UNC45A: variants seen among roughly 807,000 people sequenced by gnomAD.
The protein encoded by UNC45A is unc-45 myosin chaperone A.
In UNC45A, 78 loss-of-function variants were observed where a neutral mutation model predicts 103.2. That is an observed-to-expected ratio of 0.76 (90% CI 0.63 to 0.91). The LOEUF is 0.91. Ranked by LOEUF, UNC45A falls within the 40% of genes least tolerant of loss-of-function variation. The pLI, the probability that UNC45A is intolerant of heterozygous loss-of-function variation, is 0.00. For missense variants in UNC45A, 1,193 were observed against 1,224.8 expected, an observed-to-expected ratio of 0.97 and a Z score of 0.39; for synonymous variants, 495 against 504.6, an observed-to-expected ratio of 0.98 and a Z score of 0.25.
rs1567155604 is a variant in UNC45A at position 90,945,015 on chromosome 15, G to A, written c.1151G>A (p.Cys384Tyr). 6 of 1,613,128 alleles carry A rather than the reference G, an allele frequency of 3.7e-6. No individual in the cohort carries two copies. Among genetic ancestry groups the A allele is most frequent in the Non-Finnish European group, 5.1e-6 (6 of 1,180,032 alleles). Residue 384 changes from cysteine (C) to tyrosine (Y), a missense_variant, in exon 9 of 20, where the codon TGT (cysteine) becomes TAT (tyrosine). Physicochemically the swap from Cys to Tyr is radical, Grantham distance 194. Transcript: ENST00000418476. ...LLSKLFDDLK[C>Y]DAERENFHRL... ...AGCAAGCTCTTTGATGACCTCAAGT[G>A]TGATGCGGAGAGGGAGAATTTCCAC...
At chr15:90,949,259 T>C in intron 13 of UNC45A, 57 bp from the exon 14 acceptor site, 1 of 1,568,254 alleles carries the variant, frequency 6.4e-7, no homozygotes. Flanking sequence ...GTGAGAAGGG[T>C]CCCCCTTTCT....
rs758770632 is a variant in UNC45A at position 90,942,455 on chromosome 15, A to T, written c.706A>T (p.Ile236Leu). The change falls in exon 7 of 20, where the codon ATA becomes TTA. Residue 236 changes from isoleucine (I) to leucine (L), a missense_variant. Ile to Leu is a conservative substitution (Grantham distance 5). Transcript: ENST00000418476. ...HQSRTVATLS[I>L]LGTRRVVSIL... Reference sequence around the variant, plus strand: ...ACCCCAGACAGTGGCAACCCTGAGCATACTGGGAACTCGGCGAGTAGTCTC... The same window carrying T: ...ACCCCAGACAGTGGCAACCCTGAGCTTACTGGGAACTCGGCGAGTAGTCTC... 8 of 1,613,182 alleles carry T rather than the reference A, an allele frequency of 5.0e-6. No homozygotes were observed. The East Asian group carries it at 1.6e-4, about 31-fold the overall frequency.
upstream of UNC45A, chr15:90,935,063 G>T (rs2035931142): frequency 1.7e-6 from 1 of 575,054 alleles, no homozygotes; most frequent in Non-Finnish European, 3.1e-6. Flanking sequence ...AGCCACCGCA[G>T]GCCTCCCTCT....
At chr15:90,939,496 C>T (rs992918493) in intron 4 of UNC45A, among the ~76,000 whole-genome samples, 2 of 152,188 alleles carry the variant, frequency 1.3e-5, no homozygotes, top group East Asian at 1.9e-4. Flanking sequence ...ACTCCAGCAT[C>T]GGCGCAGCCC....
At chr15:90,940,193 A>G (rs937929988) in intron 5 of UNC45A, 113 bp from the exon 6 acceptor site, 1 of 1,223,240 alleles carries the variant, frequency 8.2e-7, no homozygotes, top group South Asian at 1.5e-5. Flanking sequence ...GGCCGTGGTC[A>G]CTCAACTGTG....
At chr15:90,947,958 G>T (rs2036661707) in intron 11 of UNC45A, 68 bp downstream of exon 11, 2 of 1,475,462 alleles carry the variant, frequency 1.4e-6, no homozygotes, top group Non-Finnish European at 9.1e-7. Context: ...GGGTCTGGGT[G>T]GGGGTTGGGG....
intron 9 of UNC45A, among the ~76,000 whole-genome samples, chr15:90,945,693 A>G (rs1461377685): frequency 7.0e-6 from 1 of 143,320 alleles, no homozygotes; most frequent in Non-Finnish European, 1.5e-5. Flanking sequence ...GTACAATGGT[A>G]TGATCTTGGC....
Position 90,942,923 on chromosome 15 carries a change from G to GA in UNC45A, c.869dup (p.Leu291AlafsTer7). 6.2e-7 allele frequency: 1 copy of GA among 1,607,278 alleles called. No homozygotes were observed. The highest frequency in any genetic ancestry group is 1.1e-5 in the South Asian group (1 of 90,650). On this transcript the variant is annotated frameshift_variant, in exon 8 of 20. Coordinates refer to ENST00000418476, the MANE Select transcript of UNC45A (RefSeq NM_018671.5). LOFTEE classifies it high-confidence loss of function. ...CTTGTTGTTGCCAGATCCTGCCCGG[G>GA]AGCTGAAGGTCCTCATCAGTAACCT...
At position 90,953,160 on chromosome 15, in the gene UNC45A, G is replaced by A. The variant is rs1449251777; in HGVS notation, c.2427G>A (p.Gln809=). The change falls in exon 19 of 20, where the codon CAG becomes CAA. Residue 809 remains glutamine (Q), a synonymous_variant. Transcript: ENST00000418476. ...MCNLAMSKEV[Q]DLFEAQGNDR... is the part of the protein sequence containing the mutation. ...CTCCTCACATCTGGCCACAGGTGCA[G>A]GACCTCTTCGAAGCCCAGGGCAATG... is the stretch of plus-strand genomic sequence containing the variant. The A allele has an allele frequency of 6.2e-7, 1 of 1,613,430 alleles. No homozygotes were observed. The highest frequency in any genetic ancestry group is 1.3e-5 in the African/African-American group (1 of 74,938).
At chr15:90,934,944 G>T, upstream of UNC45A, 1 of 441,096 alleles carries the variant, frequency 2.3e-6, no homozygotes, top group Non-Finnish European at 4.0e-6. Context: ...TCTCCCGCAG[G>T]GGCCCAGGCC....
chr15:90,936,132 T>G (rs1389664362), intron 3 of UNC45A, 150 bp downstream of exon 3: 6 of 1,503,742 alleles, frequency 4.0e-6, no homozygotes, highest in Non-Finnish European at 5.3e-6. Context: ...TTTCCTTTTC[T>G]GCAGCTACCC....
upstream of UNC45A, chr15:90,934,914 C>T (rs1221882594): frequency 5.2e-5 from 23 of 441,496 alleles, no homozygotes; most frequent in Non-Finnish European, 4.4e-5. Flanking sequence ...CGGTCGGGGC[C>T]GGGATCCAGA....
chr15:90,951,003 T>C (rs1233065601), intron 17 of UNC45A, among the ~76,000 whole-genome samples: 1 of 142,804 alleles, frequency 7.0e-6, no homozygotes, highest in Admixed American at 6.9e-5. Context: ...CATATCAGTA[T>C]ATTTTAGTTT....
At chr15:90,942,720 T>A in intron 7 of UNC45A, 115 bp downstream of exon 7, 1 of 1,556,358 alleles carries the variant, frequency 6.4e-7, no homozygotes, top group East Asian at 2.3e-5. Context: ...TTGTTTGGAA[T>A]ACGGTTTGGT....
chr15:90,951,869 C>G (rs2036933801), intron 17 of UNC45A, among the ~76,000 whole-genome samples: 1 of 152,164 alleles, frequency 6.6e-6, no homozygotes, highest in Non-Finnish European at 1.5e-5. Flanking sequence ...CAGCAGTGAG[C>G]TGTGATCATG....
At chr15:90,931,739 T>C (rs2035800369), upstream of UNC45A, 1 of 1,614,144 alleles carries the variant, frequency 6.2e-7, no homozygotes, top group Admixed American at 1.7e-5. Flanking sequence ...CCTCAGATTG[T>C]ACAGCTTGTC....
Position 90,935,607 on chromosome 15 carries a change from G to A in UNC45A, c.115G>A (p.Gly39Ser). 6.2e-7 allele frequency: 1 copy of A among 1,613,378 alleles called. No individual in the cohort carries two copies. Among genetic ancestry groups the A allele is most frequent in the Non-Finnish European group, 8.5e-7 (1 of 1,179,758 alleles). ...GCTGTTCAAATGTGGAGACTACGGG[G>A]GCGCCCTGGCGGCCTACACTCAGGC... Reference protein sequence around the residue: ...NELFKCGDYGGALAAYTQALG... With the variant: ...NELFKCGDYGSALAAYTQALG... The change falls in exon 2 of 20, where the codon GGC becomes AGC. Residue 39 changes from glycine (G) to serine (S), a missense_variant. Gly to Ser is a moderately conservative substitution (Grantham distance 56, BLOSUM62 0). Transcript: ENST00000418476.
intron 10 of UNC45A, 73 bp downstream of exon 10, chr15:90,946,987 G>A: frequency 2.0e-6 from 3 of 1,526,170 alleles, no homozygotes; most frequent in East Asian, 2.3e-5. Context: ...GTTGCAGGGT[G>A]TGGCCCCAGC....
At chr15:90,948,541 T>C in intron 12 of UNC45A, 113 bp from the exon 13 acceptor site, 1 of 1,500,310 alleles carries the variant, frequency 6.7e-7, no homozygotes, top group Non-Finnish European at 9.0e-7. Flanking sequence ...GAATTCATCC[T>C]GTACCCAAGG....
Sources: allele counts gnomAD v4.1 joint callset (sites outside exome capture counted in the v4.1 genomes callset), GRCh38; gene constraint gnomAD v4.1.1; transcripts MANE v1.5; gene names NCBI Gene and HGNC (gene_info 2026-07-23, HGNC 2026-07-21).